PGM5: variants seen among roughly 807,000 people sequenced by gnomAD.
PGM5 encodes the protein phosphoglucomutase 5.
PGM5 carries 23 observed loss-of-function variants against 59.2 expected under a neutral mutation model. The observed-to-expected ratio is 0.39, with a 90% confidence interval of 0.28 to 0.55. PGM5 has a LOEUF of 0.55. Among genes scored for constraint, PGM5 ranks in the 20% least tolerant of loss-of-function variants. The pLI, the probability that PGM5 is intolerant of heterozygous loss-of-function variation, is 0.66. For missense variants in PGM5, 574 were observed against 748.3 expected (o/e 0.77, Z 2.72); for synonymous variants, 214 against 286.0 (o/e 0.75, Z 2.54).
chr9:68,423,503 G>T (rs1286366223), intron 6 of PGM5, among the ~76,000 whole-genome samples: 3 of 152,208 alleles, frequency 2.0e-5, no homozygotes, highest in Non-Finnish European at 4.4e-5. Flanking sequence ...AAGGGAGAGT[G>T]CTCTGAGGAG....
chr9:68,365,475 T>C (rs1834662490), intron 1 of PGM5, among the ~76,000 whole-genome samples: 1 of 151,976 alleles, frequency 6.6e-6, no homozygotes, highest in Admixed American at 6.6e-5. Context: ...TATATGTGAC[T>C]TGTTAAAATG....
intron 1 of PGM5, among the ~76,000 whole-genome samples, chr9:68,366,734 G>T (rs1376756801): frequency 1.3e-5 from 2 of 151,872 alleles, no homozygotes; most frequent in Non-Finnish European, 2.9e-5. Context: ...GCCTCCTAGG[G>T]TTTATTTCCT....
chr9:68,406,660 G>GTATATATATATATATATATATATATATA (rs1305648432), intron 6 of PGM5, among the ~76,000 whole-genome samples: 1 of 57,634 alleles, frequency 1.7e-5, no homozygotes, highest in African/African-American at 6.7e-5. Flanking sequence ...ATTAAATTAG[G>GTATATATATATATATATATATATATATA]TATATATATA....
At chr9:68,375,669 C>T (rs1164335398) in intron 1 of PGM5, among the ~76,000 whole-genome samples, 1 of 152,088 alleles carries the variant, frequency 6.6e-6, no homozygotes, top group Non-Finnish European at 1.5e-5. Context: ...AGTCCTTGGG[C>T]TTTACATACA....
intron 6 of PGM5, among the ~76,000 whole-genome samples, chr9:68,416,293 A>G (rs1332077709): frequency 3.3e-5 from 5 of 152,230 alleles, no homozygotes; most frequent in Admixed American, 2.0e-4. Context: ...GCAGTAGTGC[A>G]TGATGATGTT....
intron 6 of PGM5, among the ~76,000 whole-genome samples, chr9:68,425,318 C>T (rs1823216431): frequency 6.6e-6 from 1 of 152,156 alleles, no homozygotes; most frequent in African/African-American, 2.4e-5. Flanking sequence ...AGGCAGGGCC[C>T]ACAGTGAAAG....
At chr9:68,393,471 C>T (rs263801) in intron 6 of PGM5, among the ~76,000 whole-genome samples, 10,553 of 151,852 alleles carry the variant, frequency 0.069, 713 homozygotes, top group East Asian at 0.39. Context: ...TTTGGCCGGG[C>T]GTGGCGACTC....
chr9:68,366,903 C>T (rs573253737), intron 1 of PGM5, among the ~76,000 whole-genome samples: 4 of 152,140 alleles, frequency 2.6e-5, no homozygotes, highest in African/African-American at 7.2e-5. Flanking sequence ...AAAAGAAGGA[C>T]GAGATCATGT....
At chr9:68,402,694 T>A (rs528626602) in intron 6 of PGM5, among the ~76,000 whole-genome samples, 4 of 152,234 alleles carry the variant, frequency 2.6e-5, no homozygotes, top group Non-Finnish European at 5.9e-5. Flanking sequence ...CTCAATCATA[T>A]GCTTTGTGAA....
At chr9:68,400,176 C>T (rs563610833) in intron 6 of PGM5, among the ~76,000 whole-genome samples, 18 of 152,236 alleles carry the variant, frequency 1.2e-4, no homozygotes, top group South Asian at 2.1e-4. Flanking sequence ...CAGAAAGTCA[C>T]GCATTTTCTT....
At chr9:68,377,530 G>A (rs776541540) in intron 1 of PGM5, among the ~76,000 whole-genome samples, 1 of 152,312 alleles carries the variant, frequency 6.6e-6, no homozygotes, top group East Asian at 1.9e-4. Flanking sequence ...CTTCAGCGCT[G>A]TGTTGCTGAC....
chr9:68,362,610 T>C (rs1834597111), intron 1 of PGM5, among the ~76,000 whole-genome samples: 1 of 152,156 alleles, frequency 6.6e-6, no homozygotes, highest in African/African-American at 2.4e-5. Context: ...TTTCTACTTT[T>C]ATCTGCTTCA....
intron 10 of PGM5, among the ~76,000 whole-genome samples, chr9:68,526,926 T>A (rs1326958244): frequency 6.6e-6 from 1 of 152,236 alleles, no homozygotes; most frequent in African/African-American, 2.4e-5. Flanking sequence ...CAATAGGCAT[T>A]AACATATTGG....
intron 10 of PGM5, among the ~76,000 whole-genome samples, chr9:68,510,997 T>G (rs1385255808): frequency 6.6e-6 from 1 of 152,178 alleles, no homozygotes; most frequent in Non-Finnish European, 1.5e-5. Context: ...CTGAGGTTCT[T>G]GTTATGTGGA....
chr9:68,379,999 C>T (rs1822026425), intron 2 of PGM5, among the ~76,000 whole-genome samples: 1 of 151,854 alleles, frequency 6.6e-6, no homozygotes, highest in African/African-American at 2.4e-5. Context: ...AGCAATATAA[C>T]ACTAATAGGG....
intron 1 of PGM5, chr9:68,357,877 T>TTA (rs1834496923): frequency 4.8e-6 from 1 of 208,402 alleles, no homozygotes; most frequent in Non-Finnish European, 9.7e-6. Context: ...CCCCTAAGTC[T>TTA]TAGCTCTGCC....
intron 10 of PGM5, among the ~76,000 whole-genome samples, chr9:68,507,670 A>G (rs1824679478): frequency 6.6e-6 from 1 of 151,978 alleles, no homozygotes; most frequent in Admixed American, 6.6e-5. Flanking sequence ...AAAGGAATTT[A>G]GTATGGCTGT....
intron 10 of PGM5, among the ~76,000 whole-genome samples, chr9:68,510,575 A>G (rs1464476917): frequency 6.6e-6 from 1 of 152,210 alleles, no homozygotes; most frequent in African/African-American, 2.4e-5. Context: ...TAATGATTAA[A>G]TCAGATAATT....
intron 10 of PGM5, among the ~76,000 whole-genome samples, chr9:68,500,161 G>A (rs962037750): frequency 7.2e-5 from 11 of 152,142 alleles, no homozygotes; most frequent in Non-Finnish European, 1.6e-4. Flanking sequence ...TTCCTTTGTG[G>A]AAAAGTAGAG....
Sources: allele counts gnomAD v4.1 joint callset (sites outside exome capture counted in the v4.1 genomes callset), GRCh38; gene constraint gnomAD v4.1.1; transcripts MANE v1.5; gene names NCBI Gene and HGNC (gene_info 2026-07-23, HGNC 2026-07-21).